SRPK1: variants seen among roughly 807,000 people sequenced by gnomAD.
SRPK1 encodes SFRS protein kinase 1.
Under a neutral mutation model 89.5 loss-of-function variants are expected in SRPK1, and 52 were observed. That is an observed-to-expected ratio of 0.58 (90% CI 0.46 to 0.73). The LOEUF is 0.73. Among genes scored for constraint, SRPK1 ranks in the 30% least tolerant of loss-of-function variants. SRPK1 has a pLI of 0.00. For synonymous variants in SRPK1, 255 were observed against 270.2 expected (o/e 0.94, Z 0.55); for missense variants, 603 against 780.6 (o/e 0.77, Z 2.71).
At chr6:35,839,388 T>C (rs1769253877) in intron 14 of SRPK1, among the ~76,000 whole-genome samples, 1 of 152,254 alleles carries the variant, frequency 6.6e-6, no homozygotes, top group East Asian at 1.9e-4. Context: ...TCAGGGCTAA[T>C]ATGAGCTAAA....
rs560172218 is a variant in SRPK1 at position 35,834,665 on chromosome 6, G to T, written c.*639C>A. 34 of 152,234 alleles carry T rather than the reference G, an allele frequency of 2.2e-4. 1 individual carries two copies. Among genetic ancestry groups the T allele is most frequent in the African/African-American group, 8.2e-4 (34 of 41,548 alleles). 9.4% of individuals were successfully genotyped at this position (152,234 alleles called of 1,614,324 possible). A position where few individuals can be genotyped will look rare whatever the true frequency, so the allele number is the denominator to read the frequency against. ...TTAAAAATCAGACTGAAGATTCAAAGATCTTAACTATTAAAGGATGAAAGG... is the reference window on the plus strand; with the variant it reads ...TTAAAAATCAGACTGAAGATTCAAATATCTTAACTATTAAAGGATGAAAGG... On this transcript the variant is annotated 3_prime_UTR_variant, in exon 16 of 16. Transcript: ENST00000373825.
intron 9 of SRPK1, 92 bp downstream of exon 9, chr6:35,870,842 A>G: frequency 8.5e-7 from 1 of 1,171,622 alleles, no homozygotes; most frequent in Middle Eastern, 2.1e-4. Context: ...TTTGGTTCTC[A>G]AACTTGAAAC....
intron 12 of SRPK1, among the ~76,000 whole-genome samples, chr6:35,858,752 T>C (rs1473712337): frequency 1.3e-5 from 2 of 152,050 alleles, no homozygotes; most frequent in South Asian, 2.1e-4. Context: ...CCAAGAAAGA[T>C]AGGAGACACG....
chr6:35,870,218 T>C (rs536866824), intron 10 of SRPK1, 63 bp downstream of exon 10: 5 of 1,422,536 alleles, frequency 3.5e-6, no homozygotes, highest in African/African-American at 2.8e-5. Context: ...CTGTATTATA[T>C]AGCAATGATA....
chr6:35,868,950 C>G, intron 12 of SRPK1, 60 bp downstream of exon 12: 4 of 1,368,234 alleles, frequency 2.9e-6, no homozygotes, highest in Non-Finnish European at 4.1e-6. Flanking sequence ...ATAACTAAGT[C>G]CAAATTCTCA....
intron 14 of SRPK1, among the ~76,000 whole-genome samples, chr6:35,841,779 C>T (rs1769312640): frequency 6.7e-6 from 1 of 148,708 alleles, no homozygotes; most frequent in Non-Finnish European, 1.5e-5. Context: ...TTGTAGTGAG[C>T]CGAGATCGCA....
intron 13 of SRPK1, among the ~76,000 whole-genome samples, chr6:35,847,189 A>C (rs1769443380): frequency 6.6e-6 from 1 of 152,220 alleles, no homozygotes; most frequent in Non-Finnish European, 1.5e-5. Flanking sequence ...AAGAAGTACA[A>C]ATGTCAGTTA....
chr6:35,905,621 T>TA (rs1460348878), intron 2 of SRPK1, among the ~76,000 whole-genome samples: 3 of 152,250 alleles, frequency 2.0e-5, no homozygotes, highest in Non-Finnish European at 4.4e-5. Context: ...CACTTGATTC[T>TA]ACATCCCCAG....
Position 35,835,096 on chromosome 6 carries a change from G to A in SRPK1, c.*208C>T, listed in dbSNP as rs1030859167. On this transcript the variant is annotated 3_prime_UTR_variant, in exon 16 of 16. Transcript: ENST00000373825. ...TTAGTCTTTGGCAGAGCCCAACCAA[G>A]GCCAAATTCACCTAGGATGCCCAAT... is the stretch of plus-strand genomic sequence containing the variant. The A allele has an allele frequency of 4.2e-6, 2 of 472,500 alleles. No homozygotes were observed. Among genetic ancestry groups the A allele is most frequent in the Non-Finnish European group, 7.5e-6 (2 of 266,902 alleles). The allele number at this position is 472,500 out of a possible 1,614,324, so 29.3% of individuals were successfully genotyped here. A position where few individuals can be genotyped will look rare whatever the true frequency, so the allele number is the denominator to read the frequency against.
intron 13 of SRPK1, 85 bp downstream of exon 13, chr6:35,857,176 G>C (rs981935945): frequency 1.1e-6 from 1 of 946,120 alleles, no homozygotes; most frequent in Non-Finnish European, 1.7e-6. Flanking sequence ...TTTTCTGCTA[G>C]TTAATTTGCT....
At chr6:35,914,456 C>G (rs140592937) in intron 2 of SRPK1, among the ~76,000 whole-genome samples, 2 of 152,294 alleles carry the variant, frequency 1.3e-5, no homozygotes, top group Non-Finnish European at 2.9e-5. Context: ...AGAACACTCC[C>G]ATTTCCACTG....
At chr6:35,854,579 G>A (rs1769628147) in intron 13 of SRPK1, among the ~76,000 whole-genome samples, 1 of 152,128 alleles carries the variant, frequency 6.6e-6, no homozygotes, top group South Asian at 2.1e-4. Flanking sequence ...TCTGACATGT[G>A]AGTGGGTCCA....
chr6:35,871,007 A>T (rs368183625), intron 8 of SRPK1, 48 bp from the exon 9 acceptor site: 5 of 1,535,052 alleles, frequency 3.3e-6, no homozygotes, highest in Non-Finnish European at 4.5e-6. Context: ...TCATCAGGCA[A>T]TATAAACTAA....
At chr6:35,916,973 T>A (rs1771117801) in intron 2 of SRPK1, among the ~76,000 whole-genome samples, 1 of 152,134 alleles carries the variant, frequency 6.6e-6, no homozygotes, top group African/African-American at 2.4e-5. Context: ...GGCAGGAGAA[T>A]GGCTTGAGCC....
At chr6:35,914,390 T>G (rs376046508) in intron 2 of SRPK1, among the ~76,000 whole-genome samples, 42 of 152,322 alleles carry the variant, frequency 2.8e-4, no homozygotes, top group African/African-American at 9.9e-4. Context: ...ATTACCAGAT[T>G]TGGCAAGATT....
At chr6:35,862,288 C>G (rs894655686) in intron 12 of SRPK1, among the ~76,000 whole-genome samples, 11 of 152,074 alleles carry the variant, frequency 7.2e-5, no homozygotes, top group African/African-American at 2.7e-4. Context: ...ACACTCAGCC[C>G]ACTAATGCCA....
intron 12 of SRPK1, among the ~76,000 whole-genome samples, chr6:35,859,991 T>C (rs1260849754): frequency 1.3e-5 from 2 of 151,946 alleles, no homozygotes; most frequent in Non-Finnish European, 2.9e-5. Context: ...CCCAAGTAGC[T>C]GGGACTACAG....
intron 4 of SRPK1, among the ~76,000 whole-genome samples, chr6:35,888,399 C>A (rs945847669): frequency 1.3e-5 from 2 of 151,962 alleles, no homozygotes; most frequent in African/African-American, 4.8e-5. Context: ...AGCAAAACTG[C>A]AAAATGAGGA....
Position 35,874,230 on chromosome 6 carries a change from T to C in SRPK1, c.585+3A>G, listed in dbSNP as rs1275133717. 7.5e-6 allele frequency: 12 copies of C among 1,599,790 alleles called. No individual in the cohort carries two copies. The East Asian group carries it at 1.3e-4, about 18-fold the overall frequency. On this transcript the variant is annotated splice_donor_region_variant and intron_variant, in intron 7 of 15. Transcript: ENST00000373825. ...AAGATACTTGCTGATTCAAGATACA[T>C]ACTTGCTGAATAATTTTTTTGACAC...
Sources: gnomAD v4.1 joint callset for allele counts (sites outside exome capture counted in the v4.1 genomes callset) on GRCh38, gnomAD v4.1.1 for gene constraint, MANE v1.5 for transcripts, NCBI Gene and HGNC (gene_info 2026-07-23, HGNC 2026-07-21) for gene names.